CUEDC1: variants seen among roughly 807,000 people sequenced by gnomAD.
The protein encoded by CUEDC1 is CUE domain-containing protein 1.
CUEDC1 carries 30 observed loss-of-function variants against 43.7 expected under a neutral mutation model. That is an observed-to-expected ratio of 0.69 (90% CI 0.51 to 0.93). The LOEUF is 0.93. CUEDC1 is among the 40% of genes least tolerant of loss of function. The probability of loss-of-function intolerance (pLI) is 0.00; values close to 1 mark genes in which losing one functional copy is unlikely to be tolerated. For synonymous variants in CUEDC1, 223 were observed against 223.6 expected, an observed-to-expected ratio of 1.00 and a Z score of 0.02; for missense variants, 486 against 549.0, an observed-to-expected ratio of 0.89 and a Z score of 1.15.
At chr17:57,898,780 T>G (rs530962507) in intron 1 of CUEDC1, among the ~76,000 whole-genome samples, 7 of 152,116 alleles carry the variant, frequency 4.6e-5, no homozygotes, top group Non-Finnish European at 8.8e-5. Context: ...CTCCAGGACC[T>G]CAGGCTGAGA....
At chr17:57,893,655 C>T (rs939867279) in intron 1 of CUEDC1, among the ~76,000 whole-genome samples, 2 of 152,220 alleles carry the variant, frequency 1.3e-5, no homozygotes, top group Non-Finnish European at 2.9e-5. Flanking sequence ...GCAAAGAGGA[C>T]CCTCGGGCAC....
chr17:57,936,977 C>A (rs1178365596), intron 1 of CUEDC1, among the ~76,000 whole-genome samples: 2 of 152,144 alleles, frequency 1.3e-5, no homozygotes, highest in Middle Eastern at 3.4e-3. Flanking sequence ...TACACCACCA[C>A]GTCAAGCTAA....
At position 57,861,973 on chromosome 17, in the gene CUEDC1, G is replaced by A. The variant is rs1464492045; in HGVS notation, c.*1316C>T. 6.6e-6 allele frequency: 1 copy of A among 152,176 alleles called. No homozygotes were observed. The highest frequency in any genetic ancestry group is 2.4e-5 in the African/African-American group (1 of 41,462). The allele number at this position is 152,176 out of a possible 1,614,324, so 9.4% of individuals were successfully genotyped here. A position where few individuals can be genotyped will look rare whatever the true frequency, so the allele number is the denominator to read the frequency against. ...CGGCCCTCCCCAAGCTCGGCGTTGC[G>A]AGTCCGGGCAGGGTGGGCGGGACGA... On this transcript the variant is annotated 3_prime_UTR_variant, in exon 11 of 11. Transcript: ENST00000577830.
At chr17:57,873,466 G>A in intron 4 of CUEDC1, 125 bp downstream of exon 4, 1 of 1,163,982 alleles carries the variant, frequency 8.6e-7, no homozygotes, top group South Asian at 1.7e-5. Context: ...CGAACCCAGG[G>A]CAACAGAAAT....
intron 1 of CUEDC1, among the ~76,000 whole-genome samples, chr17:57,945,061 C>T (rs2074948628): frequency 6.6e-6 from 1 of 152,162 alleles, no homozygotes; most frequent in Admixed American, 6.5e-5. Context: ...AAGGTCAGTA[C>T]GGATCATTTG....
chr17:57,919,279 G>T (rs371176803), intron 1 of CUEDC1, among the ~76,000 whole-genome samples: 1 of 150,764 alleles, frequency 6.6e-6, no homozygotes, highest in East Asian at 2.0e-4. Flanking sequence ...TCCCGGGTTC[G>T]AGCAATTCTC....
intron 1 of CUEDC1, among the ~76,000 whole-genome samples, chr17:57,901,434 C>G (rs993250367): frequency 6.6e-6 from 1 of 152,208 alleles, no homozygotes; most frequent in Non-Finnish European, 1.5e-5. Context: ...GCTCTAGGCC[C>G]TAAACAGATG....
At chr17:57,874,860 G>A (rs935559702) in intron 3 of CUEDC1, among the ~76,000 whole-genome samples, 1 of 152,096 alleles carries the variant, frequency 6.6e-6, no homozygotes, top group African/African-American at 2.4e-5. Flanking sequence ...GGTGGCCGGC[G>A]GCGGGGGCGA....
intron 1 of CUEDC1, among the ~76,000 whole-genome samples, chr17:57,936,906 C>T (rs1010767774): frequency 4.0e-5 from 6 of 151,796 alleles, no homozygotes; most frequent in East Asian, 3.9e-4. Flanking sequence ...CTGCAACCTC[C>T]GCCTCCTGGG....
chr17:57,896,842 C>T (rs1028441528), intron 1 of CUEDC1, among the ~76,000 whole-genome samples: 2 of 141,298 alleles, frequency 1.4e-5, no homozygotes, highest in African/African-American at 5.4e-5. Context: ...GTGATCTCAG[C>T]TTATGCAACC....
At chr17:57,917,857 T>C (rs555936718) in intron 1 of CUEDC1, among the ~76,000 whole-genome samples, 1 of 152,344 alleles carries the variant, frequency 6.6e-6, no homozygotes, top group African/African-American at 2.4e-5. Flanking sequence ...CTACTCCTCC[T>C]GACCCACCCC....
At chr17:57,935,527 CG>C (rs889142571) in intron 1 of CUEDC1, among the ~76,000 whole-genome samples, 10 of 152,084 alleles carry the variant, frequency 6.6e-5, no homozygotes, top group Admixed American at 6.6e-4. Flanking sequence ...TGCCTGGGGC[CG>C]GGGTGAAGGG....
chr17:57,867,494 C>T lies in CUEDC1; in HGVS notation c.1035-79G>A, dbSNP rs557508016. 55 of 1,310,302 alleles carry T rather than the reference C, an allele frequency of 4.2e-5. 1 individual carries two copies. In the Middle Eastern group the frequency reaches 2.2e-3, roughly 51 times the overall value. 81.2% of individuals were successfully genotyped at this position (1,310,302 alleles called of 1,614,324 possible). The stretch of plus-strand genomic sequence containing the variant: ...CCTCCCAGTCCCACTGACTCTCTGC[C>T]CCACCCCTCAAAGCTCTGGAGGTAC... On this transcript the variant is annotated intron_variant, in intron 8 of 10. Transcript: ENST00000577830.
At chr17:57,865,255 G>A (rs990496444) in intron 10 of CUEDC1, among the ~76,000 whole-genome samples, 9 of 152,204 alleles carry the variant, frequency 5.9e-5, no homozygotes, top group Non-Finnish European at 7.3e-5. Flanking sequence ...AGTGGGCCGC[G>A]GCTTTGTGTT....
intron 1 of CUEDC1, among the ~76,000 whole-genome samples, chr17:57,953,612 T>C (rs1205731373): frequency 6.6e-6 from 1 of 151,538 alleles, no homozygotes; most frequent in Non-Finnish European, 1.5e-5. Flanking sequence ...AATACAGGTG[T>C]CTCCCTACAC....
intron 1 of CUEDC1, among the ~76,000 whole-genome samples, chr17:57,927,800 C>G (rs1227054905): frequency 2.6e-5 from 4 of 152,252 alleles, no homozygotes. Flanking sequence ...ATTCTGTAGG[C>G]AAAACAATTC....
chr17:57,946,014 A>C (rs886321668), intron 1 of CUEDC1, among the ~76,000 whole-genome samples: 3 of 152,024 alleles, frequency 2.0e-5, no homozygotes, highest in African/African-American at 7.3e-5. Context: ...TAAAAAAAAA[A>C]CACCAAAAAA....
rs746692927 is a variant in CUEDC1, at chr17:57,866,474, C to A, written c.*3G>T. 1 of 1,613,970 alleles carries A rather than the reference C, an allele frequency of 6.2e-7. No homozygotes were observed. The highest frequency in any genetic ancestry group is 1.3e-5 in the African/African-American group (1 of 74,934). ...GGGTTGCTATGGCTCCAGGCCTTAC[C>A]TCTTACTGTCCTTCTCGCAGGCCTT... On this transcript the variant is annotated splice_region_variant and 3_prime_UTR_variant, in exon 10 of 11. Transcript: ENST00000577830.
At chr17:57,944,200 A>T (rs1422224251) in intron 1 of CUEDC1, among the ~76,000 whole-genome samples, 5 of 141,268 alleles carry the variant, frequency 3.5e-5, no homozygotes, top group African/African-American at 2.7e-5. Context: ...TTATTTTTTT[A>T]TATATATATA....
Sources: gnomAD v4.1 joint callset for allele counts (sites outside exome capture counted in the v4.1 genomes callset) on GRCh38, gnomAD v4.1.1 for gene constraint, MANE v1.5 for transcripts, NCBI Gene and HGNC (gene_info 2026-07-23, HGNC 2026-07-21) for gene names.